AKR1B10: variants seen among roughly 807,000 people sequenced by gnomAD.
AKR1B10 encodes aldo-keto reductase family 1 member B10, also known as ARP.
A neutral mutation model predicts 38.9 loss-of-function variants in AKR1B10; 39 were observed. That is an observed-to-expected ratio of 1.00 (90% confidence interval 0.78 to 1.31). The LOEUF (loss-of-function observed/expected upper bound fraction) is 1.31, where lower values mean the gene tolerates loss of function less well. AKR1B10 is among the 50% of genes most tolerant of loss of function. The pLI, the probability that AKR1B10 is intolerant of heterozygous loss-of-function variation, is 0.00. For synonymous variants in AKR1B10, 148 were observed against 141.2 expected (o/e 1.05, Z -0.34); for missense variants, 361 against 382.6 (o/e 0.94, Z 0.47).
At chr7:134,536,528 T>A in intron 4 of AKR1B10, 122 bp from the exon 5 acceptor site, 1 of 1,441,384 alleles carries the variant, frequency 6.9e-7, no homozygotes, top group Non-Finnish European at 9.2e-7. Flanking sequence ...TTCCTGTGAA[T>A]GCTTCGGCTA....
chr7:134,540,173 G>C (rs1447994309), intron 9 of AKR1B10, among the ~76,000 whole-genome samples: 1 of 151,918 alleles, frequency 6.6e-6, no homozygotes, highest in Non-Finnish European at 1.5e-5. Context: ...AGCTGAGATT[G>C]CGCCACTGCA....
intron 4 of AKR1B10, among the ~76,000 whole-genome samples, chr7:134,534,489 G>A (rs1383521057): frequency 1.3e-5 from 2 of 152,202 alleles, no homozygotes; most frequent in Admixed American, 1.3e-4. Context: ...TGGCAAGTAT[G>A]TCAATGTAGC....
At chr7:134,536,800 G>T (rs765910220) in intron 5 of AKR1B10, 28 bp downstream of exon 5, 18 of 1,612,914 alleles carry the variant, frequency 1.1e-5, no homozygotes, top group South Asian at 2.2e-5. Context: ...TAAGGGTAAG[G>T]GTCCTGCCCT....
Position 134,541,299 on chromosome 7 carries a change from G to A in AKR1B10, c.*210G>A. ...TCACAGAAAAGCATGGCTTGAATAA[G>A]GAAATGACAATTTTTTCCACTTATC... On this transcript the variant is annotated 3_prime_UTR_variant, in exon 10 of 10. Coordinates refer to ENST00000359579, the MANE Select transcript of AKR1B10 (RefSeq NM_020299.5). 2.0e-6 allele frequency: 1 copy of A among 495,562 alleles called. No homozygotes were observed. Among genetic ancestry groups the A allele is most frequent in the Non-Finnish European group, 3.5e-6 (1 of 282,230 alleles). The allele number at this position is 495,562 out of a possible 1,614,324, so 30.7% of individuals were successfully genotyped here. A position where few individuals can be genotyped will look rare whatever the true frequency, so the allele number is the denominator to read the frequency against.
chr7:134,540,075 G>T (rs1808108347), intron 9 of AKR1B10, among the ~76,000 whole-genome samples: 1 of 152,128 alleles, frequency 6.6e-6, no homozygotes, highest in Non-Finnish European at 1.5e-5. Context: ...AAAATTAGCT[G>T]GGCGTGGTGG....
At position 134,537,090 on chromosome 7, in the gene AKR1B10, C is replaced by A. The variant is rs753011473; in HGVS notation, c.592C>A (p.Gln198Lys). The change falls in exon 6 of 10, where the codon CAG becomes AAG. Residue 198 changes from glutamine to lysine, a missense_variant. This residue lies in a region of AKR1B10 where 9 missense variants were observed against 31.9 expected (regional missense o/e 0.28). Coordinates refer to ENST00000359579, the MANE Select transcript of AKR1B10 (RefSeq NM_020299.5). ...ATACCTCACACAGGAGAAACTGATCCAGTACTGCCACTCCAAGGGCATCAC... is the reference window on the plus strand; with the variant it reads ...ATACCTCACACAGGAGAAACTGATCAAGTACTGCCACTCCAAGGGCATCAC... ...HPYLTQEKLI[Q>K]YCHSKGITVT... 6.3e-7 allele frequency: 1 copy of A among 1,592,782 alleles called. No individual in the cohort carries two copies. Among genetic ancestry groups the A allele is most frequent in the South Asian group, 1.1e-5 (1 of 87,418 alleles).
rs1808030724 is a variant in AKR1B10, at chr7:134,537,050, G to T, written c.553-1G>T. 15 of 1,578,980 alleles carry T rather than the reference G, an allele frequency of 9.5e-6. No homozygotes were observed. Among genetic ancestry groups the T allele is most frequent in the Non-Finnish European group, 8.6e-6 (10 of 1,163,306 alleles). On this transcript the variant is annotated splice_acceptor_variant, in intron 5 of 9. Transcript: ENST00000359579. LOFTEE classifies it high-confidence loss of function. Reference sequence around the variant, plus strand: ...GTGATGAGGATTGTTTGCTGTTGCAGGTTGAGTGTCACCCATACCTCACAC... The same window carrying T: ...GTGATGAGGATTGTTTGCTGTTGCATGTTGAGTGTCACCCATACCTCACAC...
intron 4 of AKR1B10, 79 bp downstream of exon 4, chr7:134,533,160 G>A (rs1807909835): frequency 8.8e-7 from 1 of 1,135,310 alleles, no homozygotes; most frequent in African/African-American, 1.6e-5. Flanking sequence ...TATGAATGAG[G>A]CCATGTGCCT....
At chr7:134,535,425 C>T (rs1455219309) in intron 4 of AKR1B10, among the ~76,000 whole-genome samples, 3 of 151,990 alleles carry the variant, frequency 2.0e-5, no homozygotes, top group African/African-American at 7.3e-5. Flanking sequence ...CCACTGCATC[C>T]AGCCAGTATT....
At chr7:134,534,126 G>A (rs1799291071) in intron 4 of AKR1B10, among the ~76,000 whole-genome samples, 1 of 152,066 alleles carries the variant, frequency 6.6e-6, no homozygotes, top group African/African-American at 2.4e-5. Context: ...ACAGCTTTTT[G>A]TTGTTTTTAT....
At position 134,533,098 on chromosome 7, in the gene AKR1B10, CT is replaced by C. The variant is rs773885763; in HGVS notation, c.429+18del. The C allele has an allele frequency of 6.3e-7, 1 of 1,577,036 alleles. No individual in the cohort carries two copies. Among genetic ancestry groups the C allele is most frequent in the African/African-American group, 1.4e-5 (1 of 72,814 alleles). Reference sequence around the variant, plus strand: ...GCCTGGGAGGTAGGTTCCCAGCTTCCTCTAAGTGTGCTGGGAGAGAAATCTT... The same window carrying C: ...GCCTGGGAGGTAGGTTCCCAGCTTCCCTAAGTGTGCTGGGAGAGAAATCTT... On this transcript the variant is annotated intron_variant, in intron 4 of 9. Coordinates refer to ENST00000359579, the MANE Select transcript of AKR1B10 (RefSeq NM_020299.5).
chr7:134,535,428 CCAGT>C (rs935533354), intron 4 of AKR1B10, among the ~76,000 whole-genome samples: 10 of 151,992 alleles, frequency 6.6e-5, no homozygotes, highest in Non-Finnish European at 1.5e-4. Flanking sequence ...CTGCATCCAG[CCAGT>C]ATTTTTTAAA....
rs150503005 is a variant in AKR1B10, at chr7:134,538,410, G to A, written c.825+133G>A. The A allele has an allele frequency of 1.2e-4, 104 of 903,612 alleles. No individual in the cohort carries two copies. The African/African-American group carries it at 1.6e-3, about 14-fold the overall frequency. 56.0% of individuals were successfully genotyped at this position (903,612 alleles called of 1,614,324 possible). A position where few individuals can be genotyped will look rare whatever the true frequency, so the allele number is the denominator to read the frequency against. On this transcript the variant is annotated intron_variant, in intron 8 of 9. Coordinates refer to ENST00000359579, the MANE Select transcript of AKR1B10 (RefSeq NM_020299.5). ...CTTCCCACCACCCTATCATTTTCCA[G>A]CCCAGGGAGCTAGGGTCAGTAGAGC...
chr7:134,538,084 G>A (rs1224080491), intron 7 of AKR1B10, 110 bp from the exon 8 acceptor site: 18 of 1,014,662 alleles, frequency 1.8e-5, no homozygotes, highest in Non-Finnish European at 2.5e-5. Context: ...GTAATTATTA[G>A]CGATTGTACC....
At position 134,541,061 on chromosome 7, in the gene AKR1B10, A is replaced by G; in HGVS notation, c.923A>G (p.Glu308Gly). 1 of 1,579,890 alleles carries G rather than the reference A, an allele frequency of 6.3e-7. No homozygotes were observed. The highest frequency in any genetic ancestry group is 1.3e-5 in the African/African-American group (1 of 74,106). Residue 308 changes from glutamate (E) to glycine (G), a missense_variant, in exon 10 of 10, where the codon GAA (glutamate) becomes GGA (glycine). Physicochemically the swap from Glu to Gly is moderately conservative, Grantham distance 98. Transcript: ENST00000359579. ...ACNVLQSSHL[E>G]DYPFNAEY ...CTTTCCTGCAGATCCTCTCATTTGG[A>G]AGACTATCCCTTCAATGCAGAATAT... is the stretch of plus-strand genomic sequence containing the variant.
chr7:134,527,709 C>T lies in AKR1B10; in HGVS notation c.-203C>T. The T allele has an allele frequency of 4.4e-6, 2 of 455,806 alleles. No homozygotes were observed. The highest frequency in any genetic ancestry group is 6.0e-4 in the Middle Eastern group (1 of 1,666). 28.2% of individuals were successfully genotyped at this position (455,806 alleles called of 1,614,324 possible). ...AACAATATAAAAATTAGCTGGGAGT[C>T]ACGGTGGGCGCCTGTAATCCCAGCT... On this transcript the variant is annotated 5_prime_UTR_variant, in exon 1 of 10. Transcript: ENST00000359579.
rs201074083 is a variant in AKR1B10, at chr7:134,539,010, G to A, written c.901G>A (p.Val301Met). The change falls in exon 9 of 10, where the codon GTG (valine) becomes ATG (methionine). Residue 301 changes from valine to methionine, a missense_variant. By Grantham distance (21) the Val-to-Met change is conservative. Coordinates refer to ENST00000359579, the MANE Select transcript of AKR1B10 (RefSeq NM_020299.5). ...SFNRNWRACN[V>M]LQSSHLEDYP... The stretch of plus-strand genomic sequence containing the variant: ...CAACAGAAACTGGAGGGCCTGTAAC[G>A]TGTTGCAGTAAGTGGCATGGAGTTA... The A allele has an allele frequency of 2.7e-4, 439 of 1,613,536 alleles. 2 individuals carry two copies. Among genetic ancestry groups the A allele is most frequent in the Non-Finnish European group, 3.4e-4 (404 of 1,179,448 alleles).
intron 4 of AKR1B10, chr7:134,535,557 A>G: frequency 1.1e-6 from 1 of 937,472 alleles, no homozygotes; most frequent in Non-Finnish European, 1.2e-6. Flanking sequence ...CCTGTGTCAT[A>G]TGCTCATGTT....
At position 134,537,631 on chromosome 7, in the gene AKR1B10, T is replaced by A; in HGVS notation, c.711T>A (p.Ile237=). 1 of 1,614,164 alleles carries A rather than the reference T, an allele frequency of 6.2e-7. No individual in the cohort carries two copies. Among genetic ancestry groups the A allele is most frequent in the East Asian group, 2.2e-5 (1 of 44,880 alleles). ...TGGAGGATCCCAAGATTAAGGAGAT[T>A]GCTGCAAAGCACAAAAAAACCGCAG... The part of the protein sequence containing the change: ...SLLEDPKIKE[I]AAKHKKTAAQ... The change falls in exon 7 of 10, where the codon ATT becomes ATA. Residue 237 remains isoleucine (I), a synonymous_variant. Transcript: ENST00000359579.
Sources: allele counts gnomAD v4.1 joint callset (sites outside exome capture counted in the v4.1 genomes callset), GRCh38; gene constraint gnomAD v4.1.1; regional missense constraint gnomAD v4.1.1; transcripts MANE v1.5; gene names NCBI Gene and HGNC (gene_info 2026-07-23, HGNC 2026-07-21).